The following AK5 variants were observed in gnomAD, a reference collection of about 807,000 sequenced individuals.
AK5 encodes the protein adenylate kinase isoenzyme 5.
Under a neutral mutation model 69.5 loss-of-function variants are expected in AK5, and 27 were observed. The observed-to-expected ratio is 0.39, with a 90% CI of 0.29 to 0.54. AK5 has a LOEUF of 0.54. Among genes scored for constraint, AK5 ranks in the 20% least tolerant of loss-of-function variants. The pLI is 0.71. For missense variants in AK5, 531 were observed against 700.4 expected, an observed-to-expected ratio of 0.76 and a Z score of 2.73; for synonymous variants, 260 against 244.4, an observed-to-expected ratio of 1.06 and a Z score of -0.60.
chr1:77,411,829 G>T (rs1557572066), intron 7 of AK5, among the ~76,000 whole-genome samples: 1 of 152,198 alleles, frequency 6.6e-6, no homozygotes, highest in Non-Finnish European at 1.5e-5. Context: ...CCACCTAAGA[G>T]TAGCTTCAAA....
intron 7 of AK5, among the ~76,000 whole-genome samples, chr1:77,416,072 C>G (rs1488441195): frequency 6.6e-6 from 1 of 151,952 alleles, no homozygotes; most frequent in Admixed American, 6.6e-5. Context: ...CTGATACTTA[C>G]TGCCTCACAA....
chr1:77,456,415 T>C (rs1653485488), intron 8 of AK5, among the ~76,000 whole-genome samples: 1 of 152,172 alleles, frequency 6.6e-6, no homozygotes, highest in Non-Finnish European at 1.5e-5. Context: ...TCTCCGAAGG[T>C]TAACAGCCTG....
intron 6 of AK5, among the ~76,000 whole-genome samples, chr1:77,345,364 G>A (rs1194173172): frequency 6.6e-6 from 1 of 152,148 alleles, no homozygotes; most frequent in Non-Finnish European, 1.5e-5. Flanking sequence ...TTAAAATCAG[G>A]ATTATTTATT....
At chr1:77,490,485 C>T (rs947493645) in intron 10 of AK5, among the ~76,000 whole-genome samples, 3 of 152,042 alleles carry the variant, frequency 2.0e-5, no homozygotes, top group African/African-American at 7.2e-5. Context: ...TTCTTGTTCC[C>T]GAAGAAAGCA....
chr1:77,318,437 T>A (rs1660355723), intron 5 of AK5, among the ~76,000 whole-genome samples: 1 of 152,080 alleles, frequency 6.6e-6, no homozygotes, highest in South Asian at 2.1e-4. Context: ...TGACATGAGA[T>A]TTGGGTGGGG....
Position 77,286,990 on chromosome 1 carries a change from A to G in AK5, c.110A>G (p.Tyr37Cys). ...TCTAAGCCCGAAGATCCAGTAGAAT[A>G]CTTGGAAAGTTGTTTACAAAAAGTA... Reference protein sequence around the residue: ...MCSKPEDPVEYLESCLQKVKE... With the variant: ...MCSKPEDPVECLESCLQKVKE... The change falls in exon 2 of 14, where the codon TAC (tyrosine) becomes TGC (cysteine). Residue 37 changes from tyrosine to cysteine, a missense_variant. By Grantham distance (194) the Tyr-to-Cys change is radical. Coordinates refer to ENST00000354567, the MANE Select transcript of AK5 (RefSeq NM_174858.3). 6.2e-7 allele frequency: 1 copy of G among 1,605,070 alleles called. No individual in the cohort carries two copies. Among genetic ancestry groups the G allele is most frequent in the Non-Finnish European group, 8.5e-7 (1 of 1,175,030 alleles).
In AK5 at chr1:77,552,884, C is replaced by CA. The variant is rs1427761484; in HGVS notation, c.1621-5712dup. Among the ~76,000 whole-genome samples the CA allele has an allele frequency of 2.6e-5, 4 of 152,142 alleles. No homozygotes were observed. In the South Asian group the frequency reaches 6.2e-4, roughly 24 times the overall value. On this transcript the variant is annotated intron_variant, in intron 13 of 13. Coordinates refer to ENST00000354567, the MANE Select transcript of AK5 (RefSeq NM_174858.3). ...AAGACCCCATCTCTACAAAAACATA[C>CA]AAAAAATTAGCTGGGCATGGGGGCA...
intron 9 of AK5, among the ~76,000 whole-genome samples, chr1:77,485,323 G>T (rs1655520961): frequency 6.6e-6 from 1 of 152,076 alleles, no homozygotes; most frequent in African/African-American, 2.4e-5. Context: ...AATTCATCAT[G>T]CCCCATGCTC....
At chr1:77,510,524 GAAAA>G (rs1459003315) in intron 10 of AK5, among the ~76,000 whole-genome samples, 2 of 150,936 alleles carry the variant, frequency 1.3e-5, no homozygotes, top group Non-Finnish European at 2.9e-5. Context: ...CTAAAAAAAA[GAAAA>G]AGAAAGAAAG....
At chr1:77,369,571 C>T (rs910470910) in intron 6 of AK5, among the ~76,000 whole-genome samples, 3 of 151,380 alleles carry the variant, frequency 2.0e-5, no homozygotes, top group African/African-American at 4.9e-5. Context: ...CTTTTTGTCT[C>T]CTATATCAAC....
intron 5 of AK5, among the ~76,000 whole-genome samples, chr1:77,304,002 C>A (rs1019985762): frequency 1.3e-5 from 2 of 152,110 alleles, no homozygotes; most frequent in Non-Finnish European, 2.9e-5. Context: ...CATTGAGTTG[C>A]AAACAATCCA....
chr1:77,445,969 C>A (rs1381519885), intron 8 of AK5, among the ~76,000 whole-genome samples: 3 of 152,156 alleles, frequency 2.0e-5, no homozygotes, highest in Non-Finnish European at 4.4e-5. Context: ...GCTTTTGTAG[C>A]CTGAGCTTTT....
chr1:77,440,299 A>C (rs1652245853), intron 8 of AK5, among the ~76,000 whole-genome samples: 1 of 152,026 alleles, frequency 6.6e-6, no homozygotes. Flanking sequence ...ATGTCATCTC[A>C]TTTTCTTCTG....
At position 77,415,750 on chromosome 1, in the gene AK5, G is replaced by A. The variant is rs553363846; in HGVS notation, c.983-1889G>A. Among the ~76,000 whole-genome samples, 5 of 152,268 alleles carry A rather than the reference G, an allele frequency of 3.3e-5. No homozygotes were observed. In the East Asian group the frequency reaches 5.8e-4, roughly 18 times the overall value. ...GTCCTTTCCTGCAGAGCACTGTAGCGAAAGAGGGTCTGTATAAACCCATTT... is the reference window on the plus strand; with the variant it reads ...GTCCTTTCCTGCAGAGCACTGTAGCAAAAGAGGGTCTGTATAAACCCATTT... On this transcript the variant is annotated intron_variant, in intron 7 of 13. Transcript: ENST00000354567.
rs1655380356 is a variant in AK5 at position 77,483,233 on chromosome 1, G to C, written c.1060-84G>C. ...GGTGCCTCCCTCTTACAGTTGTTAG[G>C]AAGTTCAAGTAGGCCAGTGTTGCCA... On this transcript the variant is annotated intron_variant, in intron 8 of 13. Coordinates refer to ENST00000354567, the MANE Select transcript of AK5 (RefSeq NM_174858.3). 6.4e-6 allele frequency: 6 copies of C among 939,152 alleles called. No homozygotes were observed. The South Asian group carries it at 7.9e-5, about 12-fold the overall frequency. 58.2% of individuals were successfully genotyped at this position (939,152 alleles called of 1,614,324 possible).
rs1659152379 is a variant in AK5, at chr1:77,539,395, GC to G, written c.1620+3360del. On this transcript the variant is annotated intron_variant, in intron 13 of 13. Coordinates refer to ENST00000354567, the MANE Select transcript of AK5 (RefSeq NM_174858.3). Reference sequence around the variant, plus strand: ...TGCACAAATATGTAAAACCTCTCCAGCCCGGACTGCAGAGCAGCGTGAGCTT... The same window carrying G: ...TGCACAAATATGTAAAACCTCTCCAGCCGGACTGCAGAGCAGCGTGAGCTT... Among the ~76,000 whole-genome samples the G allele has an allele frequency of 3.3e-5, 5 of 152,296 alleles. No individual in the cohort carries two copies. The South Asian group carries it at 1.0e-3, about 32-fold the overall frequency.
chr1:77,334,732 A>G (rs1053674272), intron 5 of AK5, among the ~76,000 whole-genome samples: 7 of 152,218 alleles, frequency 4.6e-5, no homozygotes, highest in African/African-American at 9.6e-5. Flanking sequence ...GTTTGAGAGT[A>G]TCCTAAATGA....
At chr1:77,555,358 A>G (rs540576247) in intron 13 of AK5, among the ~76,000 whole-genome samples, 1 of 152,308 alleles carries the variant, frequency 6.6e-6, no homozygotes, top group East Asian at 1.9e-4. Context: ...AAGCCTCTTC[A>G]TAGCCTAGCC....
intron 6 of AK5, among the ~76,000 whole-genome samples, chr1:77,376,223 A>T (rs60053175): frequency 0.24 from 36,760 of 151,860 alleles, 4,754 homozygotes; most frequent in East Asian, 0.4. Context: ...ACATGACAGT[A>T]ATTTGATTTA....
Sources: allele counts gnomAD v4.1 joint callset (sites outside exome capture counted in the v4.1 genomes callset), GRCh38; gene constraint gnomAD v4.1.1; transcripts MANE v1.5; gene names NCBI Gene and HGNC (gene_info 2026-07-23, HGNC 2026-07-21).